The following TRIM66 variants were observed in gnomAD, a reference collection of about 807,000 sequenced individuals.
The protein encoded by TRIM66 is tripartite motif-containing protein 66.
A neutral mutation model predicts 148.2 loss-of-function variants in TRIM66; 99 were observed. The observed-to-expected ratio is 0.67, with a 90% CI of 0.57 to 0.79. The LOEUF (loss-of-function observed/expected upper bound fraction) is 0.79. Among genes scored for constraint, TRIM66 ranks in the 30% least tolerant of loss-of-function variants. TRIM66 has a pLI of 0.00. For synonymous variants in TRIM66, 616 were observed against 635.9 expected, an observed-to-expected ratio of 0.97 and a Z score of 0.47; for missense variants, 1,666 against 1,697.9, an observed-to-expected ratio of 0.98 and a Z score of 0.33.
At chr11:8,652,652 G>C (rs2037459736) in intron 6 of TRIM66, among the ~76,000 whole-genome samples, 1 of 152,194 alleles carries the variant, frequency 6.6e-6, no homozygotes. Flanking sequence ...CCACCCTGGA[G>C]ACCACAGTGA....
chr11:8,660,989 C>T (rs2038212689), intron 6 of TRIM66, among the ~76,000 whole-genome samples: 1 of 152,186 alleles, frequency 6.6e-6, no homozygotes, highest in Admixed American at 6.5e-5. Context: ...GGAGGCCATG[C>T]TAAGTGTCTG....
chr11:8,683,114 C>CCA, upstream of TRIM66: 1 of 1,371,972 alleles, frequency 7.3e-7, no homozygotes, highest in Non-Finnish European at 1.0e-6. Context: ...GGTCTTTGAC[C>CCA]CACAGGCTTA....
chr11:8,682,681 A>G (rs1565589008), upstream of TRIM66: 5 of 1,020,340 alleles, frequency 4.9e-6, no homozygotes, highest in Admixed American at 7.4e-5. Context: ...GCAGGCGCGC[A>G]ATCCCGCGAG....
At position 8,640,839 on chromosome 11, in the gene TRIM66, C is replaced by A. The variant is rs1274063132; in HGVS notation, c.1536G>T (p.Leu512=). ...TGCAGGCCAGCTCTTTCTCCCTGGG[C>A]AGCAGGGCAGAGCACTGCAGAGACC... ...QLGSLQCSAL[L]PREKELACSP... is the part of the protein sequence containing the mutation. Residue 512 remains leucine, a synonymous_variant, in exon 14 of 25, where the codon CTG becomes CTT. Coordinates refer to ENST00000646038, the MANE Select transcript of TRIM66 (RefSeq NM_001388022.1). The A allele has an allele frequency of 1.9e-6, 3 of 1,550,468 alleles. No homozygotes were observed. The South Asian group carries it at 3.6e-5, about 18-fold the overall frequency.
intron 6 of TRIM66, among the ~76,000 whole-genome samples, chr11:8,653,160 T>C (rs2037512412): frequency 6.6e-6 from 1 of 152,196 alleles, no homozygotes; most frequent in South Asian, 2.1e-4. Context: ...ATTCAAAAAA[T>C]GGCCACAAAT....
chr11:8,646,349 T>C (rs530946529), intron 11 of TRIM66, 98 bp downstream of exon 11: 1 of 953,688 alleles, frequency 1.0e-6, no homozygotes, highest in Admixed American at 2.1e-5. Flanking sequence ...GGAAGCTGCA[T>C]ATCTGAATTA....
At chr11:8,663,436 G>C (rs1199531578) in intron 6 of TRIM66, among the ~76,000 whole-genome samples, 1 of 152,154 alleles carries the variant, frequency 6.6e-6, no homozygotes, top group Non-Finnish European at 1.5e-5. Context: ...ATTAGGCACA[G>C]TAGGAGATTA....
chr11:8,672,398 T>G lies in TRIM66; in HGVS notation c.-111-13A>C. ...AGACAAGCTTGACCTAAGTTTCAAT[T>G]TTGGAAAAAGGAAGAAAATTGCATT... On this transcript the variant is annotated splice_polypyrimidine_tract_variant and intron_variant, in intron 4 of 24. Transcript: ENST00000646038. 1 of 1,489,810 alleles carries G rather than the reference T, an allele frequency of 6.7e-7. No individual in the cohort carries two copies. 92.3% of individuals were successfully genotyped at this position (1,489,810 alleles called of 1,614,324 possible).
intron 17 of TRIM66, among the ~76,000 whole-genome samples, chr11:8,623,430 G>A (rs1044684669): frequency 3.3e-5 from 5 of 152,204 alleles, no homozygotes; most frequent in East Asian, 1.9e-4. Context: ...CTGTACATGC[G>A]CAAGCAGGGT....
At chr11:8,651,695 G>A (rs1410489361) in intron 7 of TRIM66, 105 bp downstream of exon 7, 1 of 933,038 alleles carries the variant, frequency 1.1e-6, no homozygotes, top group Admixed American at 2.0e-5. Flanking sequence ...TGATGGAGAA[G>A]TAACAAATCA....
In TRIM66 at chr11:8,619,540, G is replaced by C. The variant is rs1478458335; in HGVS notation, c.3748-5C>G. ...AATCTGGTAATAATGCCGGGCCTTGGGGGAGGAGACATGAGGAGAAGGAGG... is the reference window on the plus strand; with the variant it reads ...AATCTGGTAATAATGCCGGGCCTTGCGGGAGGAGACATGAGGAGAAGGAGG... On this transcript the variant is annotated splice_region_variant and splice_polypyrimidine_tract_variant and intron_variant, in intron 22 of 24. Coordinates refer to ENST00000646038, the MANE Select transcript of TRIM66 (RefSeq NM_001388022.1). The C allele has an allele frequency of 3.9e-6, 6 of 1,534,042 alleles. No homozygotes were observed. The highest frequency in any genetic ancestry group is 4.2e-5 in the Admixed American group (2 of 47,352).
rs909923976 is a variant in TRIM66, at chr11:8,617,315, A to G, written c.*629T>C. The G allele has an allele frequency of 2.0e-5, 3 of 152,724 alleles. No individual in the cohort carries two copies. The highest frequency in any genetic ancestry group is 4.4e-5 in the Non-Finnish European group (3 of 68,216). 9.5% of individuals were successfully genotyped at this position (152,724 alleles called of 1,614,324 possible). A position where few individuals can be genotyped will look rare whatever the true frequency, so the allele number is the denominator to read the frequency against. ...ATTTTCACAGCAGCCACCTATGTCA[A>G]CATCAGGAAAGTGACTATGCAAAAC... On this transcript the variant is annotated 3_prime_UTR_variant, in exon 25 of 25. Transcript: ENST00000646038.
chr11:8,640,632 G>A lies in TRIM66; in HGVS notation c.1743C>T (p.Val581=), dbSNP rs1202980221. 1 of 1,551,618 alleles carries A rather than the reference G, an allele frequency of 6.4e-7. No homozygotes were observed. The highest frequency in any genetic ancestry group is 2.4e-5 in the East Asian group (1 of 40,902). ...QPTLQTPSIQ[V]QFGHHQKLKL... ...TCAGCTTCTGGTGGTGGCCAAACTGGACTTGGATAGAGGGTGTCTGTAAGG... is the reference window on the plus strand; with the variant it reads ...TCAGCTTCTGGTGGTGGCCAAACTGAACTTGGATAGAGGGTGTCTGTAAGG... Residue 581 remains valine (V), a synonymous_variant, in exon 14 of 25, where the codon GTC becomes GTT. Coordinates refer to ENST00000646038, the MANE Select transcript of TRIM66 (RefSeq NM_001388022.1).
chr11:8,665,221 C>G (rs1199990172), intron 6 of TRIM66, among the ~76,000 whole-genome samples: 1 of 152,154 alleles, frequency 6.6e-6, no homozygotes, highest in African/African-American at 2.4e-5. Flanking sequence ...ACTAAAAACT[C>G]TCTCCAAACA....
intron 6 of TRIM66, among the ~76,000 whole-genome samples, chr11:8,652,203 A>G (rs1770868636): frequency 1.3e-5 from 2 of 151,846 alleles, no homozygotes; most frequent in Admixed American, 1.3e-4. Context: ...TTTGGTTCTG[A>G]CAATCAGGTG....
At chr11:8,628,636 A>AAAAAAAAAAAAAAACAAAAAAGAGAGAG (rs1555042270) in intron 15 of TRIM66, among the ~76,000 whole-genome samples, 1 of 93,340 alleles carries the variant, frequency 1.1e-5, no homozygotes, top group African/African-American at 3.5e-5. Flanking sequence ...AAAAAAAAAA[A>AAAAAAAAAAAAAAACAAAAAAGAGAGAG]AGAGAGAGAA....
At position 8,672,325 on chromosome 11, in the gene TRIM66, GAACA is replaced by G. The variant is rs2038977489; in HGVS notation, c.-55_-52del. On this transcript the variant is annotated 5_prime_UTR_variant, in exon 5 of 25. Transcript: ENST00000646038. ...AGGTGTCTGCTGTTTGTCTGAAGGC[GAACA>G]AACCCTTCAAAAGTGTCCCGTACCT... The G allele has an allele frequency of 6.5e-7, 1 of 1,535,792 alleles. No individual in the cohort carries two copies. Among genetic ancestry groups the G allele is most frequent in the Non-Finnish European group, 8.7e-7 (1 of 1,146,830 alleles).
intron 6 of TRIM66, among the ~76,000 whole-genome samples, chr11:8,655,635 T>C (rs922832570): frequency 1.4e-4 from 21 of 151,584 alleles, no homozygotes; most frequent in African/African-American, 5.1e-4. Context: ...ATACAAAAAT[T>C]AGTCAGGCGT....
At chr11:8,643,247 C>G (rs1180592090) in intron 12 of TRIM66, 121 bp from the exon 13 acceptor site, 13 of 706,738 alleles carry the variant, frequency 1.8e-5, no homozygotes, top group Middle Eastern at 2.4e-4. Flanking sequence ...CTCTGGTCAT[C>G]CTCCATATTC....
Sources: allele counts gnomAD v4.1 joint callset (sites outside exome capture counted in the v4.1 genomes callset), GRCh38; gene constraint gnomAD v4.1.1; transcripts MANE v1.5; gene names NCBI Gene and HGNC (gene_info 2026-07-23, HGNC 2026-07-21).